The following BRIP1 variants were observed in gnomAD, a reference collection of about 807,000 sequenced individuals.
BRIP1 encodes BRCA1 interacting DNA helicase 1.
A neutral mutation model predicts 119.7 loss-of-function variants in BRIP1; 88 were observed. The observed-to-expected ratio is 0.74, with a 90% CI of 0.62 to 0.88. The LOEUF (loss-of-function observed/expected upper bound fraction) is 0.88, where lower values mean the gene tolerates loss of function less well. BRIP1 is among the 40% of genes least tolerant of loss of function. BRIP1 has a pLI of 0.00. For missense variants in BRIP1, 1,259 were observed against 1,455.4 expected (o/e 0.87, Z 2.20); for synonymous variants, 443 against 496.5 (o/e 0.89, Z 1.43).
Position 61,776,688 on chromosome 17 carries a change from G to A in BRIP1, c.1936-126C>T, listed in dbSNP as rs963610468. 1.9e-6 allele frequency: 2 copies of A among 1,032,334 alleles called. No individual in the cohort carries two copies. Among genetic ancestry groups the A allele is most frequent in the African/African-American group, 3.2e-5 (2 of 62,144 alleles). The allele number at this position is 1,032,334 out of a possible 1,614,324, so 63.9% of individuals were successfully genotyped here. A position where few individuals can be genotyped will look rare whatever the true frequency, so the allele number is the denominator to read the frequency against. On this transcript the variant is annotated intron_variant, in intron 13 of 19. Transcript: ENST00000259008. The surrounding 1 kb of genome is among the most constrained non-coding windows in gnomAD (Gnocchi z 5.0). ...AACAATTTATTTTTAAATTGTCAGG[G>A]GGTTTTCTATTACCTTCAATTAACT...
In BRIP1 at chr17:61,803,519, C is replaced by G. The variant is rs769125511; in HGVS notation, c.919-2045G>C. Among the ~76,000 whole-genome samples the G allele has an allele frequency of 6.6e-6, 1 of 151,952 alleles. No homozygotes were observed. Among genetic ancestry groups the G allele is most frequent in the African/African-American group, 2.4e-5 (1 of 41,350 alleles). ...GGAGTTCAAGACCAGCTGGGCAGCACAGGGAGACTCAATCTCTACAAAAAA... is the reference window on the plus strand; with the variant it reads ...GGAGTTCAAGACCAGCTGGGCAGCAGAGGGAGACTCAATCTCTACAAAAAA... On this transcript the variant is annotated intron_variant, in intron 7 of 19. Transcript: ENST00000259008. The surrounding 1 kb of genome is among the most constrained non-coding windows in gnomAD (Gnocchi z 4.3).
rs140545663 is a variant in BRIP1 at position 61,792,226 on chromosome 17, G to A, written c.1473+1371C>T. On this transcript the variant is annotated intron_variant, in intron 10 of 19. Coordinates refer to ENST00000259008, the MANE Select transcript of BRIP1 (RefSeq NM_032043.3). ...CTCCCAAGTAGCTGGGACTACAGGC[G>A]CATACCACCATACCCGGCAGTTACA... Among the ~76,000 whole-genome samples, 366 of 152,296 alleles carry A rather than the reference G, an allele frequency of 2.4e-3. 1 individual carries two copies. The highest frequency in any genetic ancestry group is 0.017 in the Middle Eastern group (5 of 294).
intron 16 of BRIP1, among the ~76,000 whole-genome samples, chr17:61,718,261 T>A (rs892777777): frequency 1.3e-5 from 2 of 152,212 alleles, no homozygotes; most frequent in Admixed American, 6.5e-5. Context: ...ATTAGGGTAC[T>A]TGGAACCAGT....
intron 4 of BRIP1, among the ~76,000 whole-genome samples, chr17:61,850,618 A>C (rs1205659596): frequency 1.3e-5 from 2 of 151,870 alleles, no homozygotes; most frequent in African/African-American, 4.8e-5. Flanking sequence ...ACTTGAGCCC[A>C]GGAGTTCAAG....
At chr17:61,787,742 T>C (rs367945884) in intron 10 of BRIP1, among the ~76,000 whole-genome samples, 2 of 152,130 alleles carry the variant, frequency 1.3e-5, no homozygotes, top group East Asian at 3.8e-4. Context: ...CCTCCCAGGT[T>C]TGCGCCATTC....
rs904122817 is a variant in BRIP1, at chr17:61,803,841, T to C, written c.919-2367A>G. 6.6e-6 allele frequency among the ~76,000 whole-genome samples: 1 copy of C among 152,120 alleles called. No homozygotes were observed. Among genetic ancestry groups the C allele is most frequent in the South Asian group, 2.1e-4 (1 of 4,832 alleles). ...ACCATTAATGTGAATAGATGTACCCTGTACTGTTAAATAGCCAAAAAATTG... is the reference window on the plus strand; with the variant it reads ...ACCATTAATGTGAATAGATGTACCCCGTACTGTTAAATAGCCAAAAAATTG... On this transcript the variant is annotated intron_variant, in intron 7 of 19. Coordinates refer to ENST00000259008, the MANE Select transcript of BRIP1 (RefSeq NM_032043.3). This position sits in a 1 kb window ranked among gnomAD's most constrained non-coding sequence, Gnocchi z 4.3.
intron 14 of BRIP1, among the ~76,000 whole-genome samples, chr17:61,764,145 T>C (rs1332578749): frequency 6.6e-6 from 1 of 152,194 alleles, no homozygotes; most frequent in African/African-American, 2.4e-5. Context: ...CCAAGTGCAT[T>C]TGCGCTGGCC....
rs1367856854 is a variant in BRIP1, at chr17:61,756,697, T to C, written c.2098-12106A>G. Among the ~76,000 whole-genome samples, 1 of 152,224 alleles carries C rather than the reference T, an allele frequency of 6.6e-6. No homozygotes were observed. Among genetic ancestry groups the C allele is most frequent in the Non-Finnish European group, 1.5e-5 (1 of 68,022 alleles). On this transcript the variant is annotated intron_variant, in intron 14 of 19. Coordinates refer to ENST00000259008, the MANE Select transcript of BRIP1 (RefSeq NM_032043.3). This position sits in a 1 kb window ranked among gnomAD's most constrained non-coding sequence, Gnocchi z 4.3. ...GTGGGGAAATCCTGCATTTGCTCAA[T>C]GTCCATAGCTTTTACACAGTTCCAG... is the stretch of plus-strand genomic sequence containing the variant.
chr17:61,765,372 GTATATATTATATATATATATATATA>G (rs1567798543), intron 14 of BRIP1, among the ~76,000 whole-genome samples: 2 of 61,552 alleles, frequency 3.2e-5, no homozygotes, highest in Non-Finnish European at 5.7e-5. Flanking sequence ...GTGTGTGTGT[GTATATATTATATATATATATATATA>G]TATATATATA....
Position 61,735,926 on chromosome 17 carries a change from G to C in BRIP1, c.2379+7087C>G, listed in dbSNP as rs2076912407. 1.3e-5 allele frequency among the ~76,000 whole-genome samples: 2 copies of C among 152,164 alleles called. No individual in the cohort carries two copies. The highest frequency in any genetic ancestry group is 2.9e-5 in the Non-Finnish European group (2 of 68,016). On this transcript the variant is annotated intron_variant, in intron 16 of 19. Transcript: ENST00000259008. The surrounding 1 kb of genome is among the most constrained non-coding windows in gnomAD (Gnocchi z 4.4). ...CCAACACTCTGATTGCAGCAGTTTT[G>C]TGGAACCCTGACCCAGCTAAGCCAT...
At position 61,720,553 on chromosome 17, in the gene BRIP1, AATTT is replaced by A. The variant is rs2061956586; in HGVS notation, c.2380-4494_2380-4491del. Among the ~76,000 whole-genome samples the A allele has an allele frequency of 6.6e-6, 1 of 152,184 alleles. No homozygotes were observed. The highest frequency in any genetic ancestry group is 2.4e-5 in the African/African-American group (1 of 41,442). ...ATATTAAATAAAAAATTCCAGAAAT[AATTT>A]ATGTTTTAAATTGCCCACTGTTCTG... On this transcript the variant is annotated intron_variant, in intron 16 of 19. Coordinates refer to ENST00000259008, the MANE Select transcript of BRIP1 (RefSeq NM_032043.3). This position sits in a 1 kb window ranked among gnomAD's most constrained non-coding sequence, Gnocchi z 4.3.
At chr17:61,715,877 G>T in intron 17 of BRIP1, 74 bp downstream of exon 17, 2 of 988,114 alleles carry the variant, frequency 2.0e-6, no homozygotes, top group Non-Finnish European at 3.0e-6. Context: ...ATTATAAAGA[G>T]TAAAGTAGCA....
rs149673179 is a variant in BRIP1 at position 61,698,532 on chromosome 17, C to A, written c.2493-5020G>T. On this transcript the variant is annotated intron_variant, in intron 17 of 19. Transcript: ENST00000259008. ...TGTTGGTTTGTAGTTTTGTTCAAGG[C>A]TTTTATTTTCTGTTGATTTTCCTTC... 1.7e-4 allele frequency among the ~76,000 whole-genome samples: 26 copies of A among 152,124 alleles called. No homozygotes were observed. The South Asian group carries it at 4.4e-3, about 26-fold the overall frequency.
Position 61,843,894 on chromosome 17 carries a change from A to G in BRIP1, c.627+3207T>C, listed in dbSNP as rs1319488600. Among the ~76,000 whole-genome samples, 4 of 151,854 alleles carry G rather than the reference A, an allele frequency of 2.6e-5. No homozygotes were observed. The highest frequency in any genetic ancestry group is 1.5e-5 in the Non-Finnish European group (1 of 67,950). ...TATTAAAACATCATGTTTTACACCT[A>G]AAATATATATAATTTTTATTTTATG... is the stretch of plus-strand genomic sequence containing the variant. On this transcript the variant is annotated intron_variant, in intron 6 of 19. Transcript: ENST00000259008. The surrounding 1 kb of genome is among the most constrained non-coding windows in gnomAD (Gnocchi z 5.7).
chr17:61,796,756 G>A lies in BRIP1; in HGVS notation c.1340+2344C>T, dbSNP rs750608800. Among the ~76,000 whole-genome samples, 3 of 152,174 alleles carry A rather than the reference G, an allele frequency of 2.0e-5. No individual in the cohort carries two copies. The highest frequency in any genetic ancestry group is 6.6e-5 in the Admixed American group (1 of 15,258). The stretch of plus-strand genomic sequence containing the variant: ...CTAGAATTGATTACTGGAGAAAGAT[G>A]AGTGAAAGTAGAGACCTGTTAGGAG... On this transcript the variant is annotated intron_variant, in intron 9 of 19. Coordinates refer to ENST00000259008, the MANE Select transcript of BRIP1 (RefSeq NM_032043.3). This position sits in a 1 kb window ranked among gnomAD's most constrained non-coding sequence, Gnocchi z 4.8.
At chr17:61,741,170 A>G (rs113161952) in intron 16 of BRIP1, among the ~76,000 whole-genome samples, 10 of 152,336 alleles carry the variant, frequency 6.6e-5, no homozygotes, top group African/African-American at 2.4e-4. Flanking sequence ...TTGCTCATCC[A>G]TAAAATGCAA....
Position 61,799,371 on chromosome 17 carries a change from A to C in BRIP1, c.1141-72T>G. On this transcript the variant is annotated intron_variant, in intron 8 of 19. Coordinates refer to ENST00000259008, the MANE Select transcript of BRIP1 (RefSeq NM_032043.3). The surrounding 1 kb of genome is among the most constrained non-coding windows in gnomAD (Gnocchi z 5.1). Reference sequence around the variant, plus strand: ...TTAACAACAGCAGGCAAGATATTTCATTTTAAAATTCACACTATAGGCCAA... The same window carrying C: ...TTAACAACAGCAGGCAAGATATTTCCTTTTAAAATTCACACTATAGGCCAA... 8.1e-7 allele frequency: 1 copy of C among 1,235,048 alleles called. No individual in the cohort carries two copies. The highest frequency in any genetic ancestry group is 1.3e-5 in the South Asian group (1 of 78,242). 76.5% of individuals were successfully genotyped at this position (1,235,048 alleles called of 1,614,324 possible).
At position 61,828,876 on chromosome 17, in the gene BRIP1, TTC is replaced by T. The variant is rs2078448271; in HGVS notation, c.627+18223_627+18224del. On this transcript the variant is annotated intron_variant, in intron 6 of 19. Coordinates refer to ENST00000259008, the MANE Select transcript of BRIP1 (RefSeq NM_032043.3). This position sits in a 1 kb window ranked among gnomAD's most constrained non-coding sequence, Gnocchi z 4.1. ...GACACGGAAGTATATTGGCAGAAGG[TTC>T]TTACACATTATTTGTGAGTTGAAAT... 6.6e-6 allele frequency among the ~76,000 whole-genome samples: 1 copy of T among 152,156 alleles called. No homozygotes were observed. Among genetic ancestry groups the T allele is most frequent in the Admixed American group, 6.5e-5 (1 of 15,278 alleles).
At chr17:61,850,973 A>G (rs1460664198) in intron 4 of BRIP1, among the ~76,000 whole-genome samples, 1 of 152,126 alleles carries the variant, frequency 6.6e-6, no homozygotes, top group Non-Finnish European at 1.5e-5. Flanking sequence ...CACACCTGTA[A>G]TCCCAGCACT....
Sources: allele counts gnomAD v4.1 joint callset (sites outside exome capture counted in the v4.1 genomes callset), GRCh38; gene constraint gnomAD v4.1.1; non-coding constraint Gnocchi (gnomAD v3.1); transcripts MANE v1.5; gene names NCBI Gene and HGNC (gene_info 2026-07-23, HGNC 2026-07-21).